The following ZNRF2 variants were observed in gnomAD, a reference collection of about 807,000 sequenced individuals.
ZNRF2 encodes the protein E3 ubiquitin-protein ligase ZNRF2.
A neutral mutation model predicts 20.4 loss-of-function variants in ZNRF2; 16 were observed. The ratio of observed to expected loss-of-function variants is 0.79; its 90% confidence interval spans 0.53 to 1.19. ZNRF2 has a LOEUF of 1.19. Among genes scored for constraint, ZNRF2 ranks in the 50% most tolerant of loss-of-function variants. The probability of loss-of-function intolerance (pLI) is 0.00; values close to 1 mark genes in which losing one functional copy is unlikely to be tolerated. For missense variants in ZNRF2, 363 were observed against 332.4 expected (o/e 1.09, Z -0.72); for synonymous variants, 178 against 144.9 (o/e 1.23, Z -1.64).
intron 1 of ZNRF2, among the ~76,000 whole-genome samples, chr7:30,293,126 A>AT (rs1247875359): frequency 1.3e-5 from 2 of 152,078 alleles, no homozygotes; most frequent in Non-Finnish European, 2.9e-5. Context: ...ATGTGGAGGT[A>AT]TGAGAGAAAA....
At chr7:30,346,336 A>C (rs1211075622) in intron 2 of ZNRF2, among the ~76,000 whole-genome samples, 5 of 151,136 alleles carry the variant, frequency 3.3e-5, no homozygotes, top group Non-Finnish European at 5.9e-5. Context: ...TAGGATTACA[A>C]GTGCCTGCCA....
intron 1 of ZNRF2, among the ~76,000 whole-genome samples, chr7:30,314,890 C>G (rs1004922951): frequency 2.6e-5 from 4 of 151,656 alleles, no homozygotes; most frequent in African/African-American, 4.8e-5. Flanking sequence ...AAACTTGGCT[C>G]ACTGCAAGCT....
intron 2 of ZNRF2, among the ~76,000 whole-genome samples, chr7:30,352,088 CTT>C (rs1224112437): frequency 6.6e-6 from 1 of 151,792 alleles, no homozygotes; most frequent in South Asian, 2.1e-4. Context: ...TTTTTTATAA[CTT>C]ATAAAGTTTT....
chr7:30,321,704 C>T (rs1237785401), intron 1 of ZNRF2, among the ~76,000 whole-genome samples: 1 of 152,022 alleles, frequency 6.6e-6, no homozygotes, highest in Non-Finnish European at 1.5e-5. Flanking sequence ...TGCCTCTTGC[C>T]CTCGTTTATG....
intron 1 of ZNRF2, among the ~76,000 whole-genome samples, chr7:30,296,230 G>C (rs1562604168): frequency 1.3e-5 from 2 of 152,120 alleles, no homozygotes; most frequent in Admixed American, 6.6e-5. Flanking sequence ...ATTAATTTTT[G>C]AACCAAATAG....
chr7:30,326,131 T>C lies in ZNRF2; in HGVS notation c.565+2394T>C, dbSNP rs572208914. The stretch of plus-strand genomic sequence containing the variant: ...TACAGTCTTCTTGTGTATTGTGATA[T>C]TTAACAATTTTTTTAACTTTTAAGT... On this transcript the variant is annotated intron_variant, in intron 2 of 4. Coordinates refer to ENST00000323037, the MANE Select transcript of ZNRF2 (RefSeq NM_147128.4). Among the ~76,000 whole-genome samples, 47 of 152,304 alleles carry C rather than the reference T, an allele frequency of 3.1e-4. 1 individual carries two copies. The South Asian group carries it at 8.3e-3, about 27-fold the overall frequency.
chr7:30,323,532 AG>A, intron 1 of ZNRF2, 109 bp from the exon 2 acceptor site: 1 of 646,312 alleles, frequency 1.5e-6, no homozygotes, highest in East Asian at 3.0e-5. Context: ...AGTGTAATGC[AG>A]TAAGTGTAAT....
At chr7:30,350,227 C>G (rs1354254034) in intron 2 of ZNRF2, among the ~76,000 whole-genome samples, 1 of 151,946 alleles carries the variant, frequency 6.6e-6, no homozygotes, top group Non-Finnish European at 1.5e-5. Flanking sequence ...GTTACATTTT[C>G]TTGGCGAATT....
At chr7:30,295,011 G>A (rs1259310229) in intron 1 of ZNRF2, among the ~76,000 whole-genome samples, 9 of 118,988 alleles carry the variant, frequency 7.6e-5, no homozygotes, top group African/African-American at 2.7e-4. Flanking sequence ...GAGAGGGAGG[G>A]AAGGAGAGAG....
intron 1 of ZNRF2, among the ~76,000 whole-genome samples, chr7:30,295,896 G>C (rs966087268): frequency 1.3e-5 from 2 of 152,086 alleles, no homozygotes; most frequent in Non-Finnish European, 2.9e-5. Flanking sequence ...CTCTGATACC[G>C]TATTCCTTTC....
Position 30,285,363 on chromosome 7 carries a change from C to A in ZNRF2, c.6C>A (p.Gly2=), listed in dbSNP as rs1322473301. 2.5e-6 allele frequency: 3 copies of A among 1,201,770 alleles called. No individual in the cohort carries two copies. The South Asian group carries it at 5.4e-5, about 22-fold the overall frequency. The allele number at this position is 1,201,770 out of a possible 1,614,324, so 74.4% of individuals were successfully genotyped here. The stretch of plus-strand genomic sequence containing the variant: ...CGGCCCGGGGCAGGGCGGACATGGG[C>A]GCCAAACAGAGCGGCCCGGCCGCCG... The part of the protein sequence containing the change: M[G]AKQSGPAAAN... The change falls in exon 1 of 5, where the codon GGC becomes GGA. Residue 2 remains glycine, a synonymous_variant. Coordinates refer to ENST00000323037, the MANE Select transcript of ZNRF2 (RefSeq NM_147128.4).
At chr7:30,298,892 C>G (rs533724260) in intron 1 of ZNRF2, among the ~76,000 whole-genome samples, 1 of 152,266 alleles carries the variant, frequency 6.6e-6, no homozygotes, top group South Asian at 2.1e-4. Flanking sequence ...CAGTTTGCTT[C>G]TCTGCTTTCC....
intron 1 of ZNRF2, among the ~76,000 whole-genome samples, chr7:30,314,917 C>T (rs1003585864): frequency 6.6e-6 from 1 of 151,788 alleles, no homozygotes; most frequent in African/African-American, 2.4e-5. Flanking sequence ...CCTGGGTTCA[C>T]ACCATTCTCC....
At chr7:30,315,731 G>GA (rs1554294835) in intron 1 of ZNRF2, among the ~76,000 whole-genome samples, 1 of 104,674 alleles carries the variant, frequency 9.6e-6, no homozygotes, top group Non-Finnish European at 2.0e-5. Context: ...GTGGGGCGGG[G>GA]GGGGGGGGGT....
intron 2 of ZNRF2, among the ~76,000 whole-genome samples, chr7:30,324,576 C>T (rs1198301386): frequency 6.9e-6 from 1 of 144,354 alleles, no homozygotes; most frequent in Admixed American, 6.8e-5. Context: ...AAAACAAAAA[C>T]AAACAAACAA....
intron 1 of ZNRF2, among the ~76,000 whole-genome samples, chr7:30,295,152 G>A (rs897537745): frequency 1.3e-5 from 2 of 148,252 alleles, no homozygotes; most frequent in Non-Finnish European, 3.0e-5. Context: ...TCTTTAAGCT[G>A]GGGCCTTGAG....
intron 2 of ZNRF2, among the ~76,000 whole-genome samples, chr7:30,324,251 T>C (rs983004894): frequency 6.6e-6 from 1 of 151,760 alleles, no homozygotes; most frequent in Non-Finnish European, 1.5e-5. Flanking sequence ...AAGGCAGATA[T>C]GGCCAGGCAC....
Position 30,285,765 on chromosome 7 carries a change from C to A in ZNRF2, c.408C>A (p.Pro136=). 1 of 1,487,160 alleles carries A rather than the reference C, an allele frequency of 6.7e-7. No individual in the cohort carries two copies. The highest frequency in any genetic ancestry group is 1.3e-5 in the South Asian group (1 of 76,020). 92.1% of individuals were successfully genotyped at this position (1,487,160 alleles called of 1,614,324 possible). The part of the protein sequence containing the change: ...GGRDRPVGGS[P]GGPRLVIGSL... ...GGGACCGGCCGGTGGGCGGGAGCCCCGGCGGGCCGCGCCTGGTGATCGGCT... is the reference window on the plus strand; with the variant it reads ...GGGACCGGCCGGTGGGCGGGAGCCCAGGCGGGCCGCGCCTGGTGATCGGCT... The change falls in exon 1 of 5, where the codon CCC becomes CCA. Residue 136 remains proline, a synonymous_variant. Coordinates refer to ENST00000323037, the MANE Select transcript of ZNRF2 (RefSeq NM_147128.4).
At chr7:30,358,241 A>G (rs1025273361) in intron 3 of ZNRF2, among the ~76,000 whole-genome samples, 1 of 152,234 alleles carries the variant, frequency 6.6e-6, no homozygotes, top group Non-Finnish European at 1.5e-5. Flanking sequence ...AGATCAACCT[A>G]TGGAAATAAG....
Sources: gnomAD v4.1 joint callset for allele counts (sites outside exome capture counted in the v4.1 genomes callset) on GRCh38, gnomAD v4.1.1 for gene constraint, MANE v1.5 for transcripts, NCBI Gene and HGNC (gene_info 2026-07-23, HGNC 2026-07-21) for gene names.